Variants in INAVA observed in about 807,000 individuals in gnomAD.
INAVA encodes the protein innate immunity activator.
Under a neutral mutation model 55.3 loss-of-function variants are expected in INAVA, and 32 were observed. The observed-to-expected ratio is 0.58, with a 90% CI of 0.44 to 0.78. INAVA has a LOEUF of 0.78. Ranked by LOEUF, INAVA falls within the 30% of genes least tolerant of loss-of-function variation. INAVA has a pLI of 0.00. For missense variants in INAVA, 756 were observed against 786.4 expected (o/e 0.96, Z 0.46); for synonymous variants, 294 against 329.4 (o/e 0.89, Z 1.16).
At chr1:200,910,536 G>T (rs1486183063) in intron 8 of INAVA, among the ~76,000 whole-genome samples, 1 of 152,146 alleles carries the variant, frequency 6.6e-6, no homozygotes, top group African/African-American at 2.4e-5. Context: ...CTGAACTGGG[G>T]GCAGCTTGGG....
At chr1:200,900,710 G>C (rs772692592) in intron 4 of INAVA, among the ~76,000 whole-genome samples, 50 of 152,240 alleles carry the variant, frequency 3.3e-4, no homozygotes, top group Admixed American at 1.6e-3. Flanking sequence ...AGGTGGGCTG[G>C]TGGGTGGGTG....
In INAVA at chr1:200,902,433, A is replaced by G. The variant is rs537373784; in HGVS notation, c.520+1274A>G. On this transcript the variant is annotated intron_variant, in intron 5 of 9. Transcript: ENST00000413687. ...AGGTGATAAAGGAGGAGGTGCCTCC[A>G]TGTGACAGTTAACCCAGTAAACTCA... Among the ~76,000 whole-genome samples the G allele has an allele frequency of 1.3e-4, 20 of 152,374 alleles. No homozygotes were observed. The South Asian group carries it at 3.3e-3, about 25-fold the overall frequency.
Position 200,899,579 on chromosome 1 carries a change from ACT to A in INAVA, c.165_166del (p.Cys56ProfsTer37). The A allele has an allele frequency of 1.2e-6, 2 of 1,612,592 alleles. No homozygotes were observed. The highest frequency in any genetic ancestry group is 1.7e-6 in the Non-Finnish European group (2 of 1,179,664). ...LEACLEELRR[L>X]CLREAELTGT... ...AGGCCTGCCTGGAGGAGCTGAGGAG[ACT>A]CTGCCTTCGGGAAGCGGTGAGGCCC... On this transcript the variant is annotated frameshift_variant, in exon 3 of 10. Coordinates refer to ENST00000413687, the MANE Select transcript of INAVA (RefSeq NM_001142569.3). LOFTEE classifies it high-confidence loss of function.
At chr1:200,891,663 G>A (rs768126602), upstream of INAVA, 1 of 1,495,836 alleles carries the variant, frequency 6.7e-7, no homozygotes, top group Non-Finnish European at 8.9e-7. Context: ...AGTGGAGGGC[G>A]CAGGGGCAGG....
At chr1:200,911,384 C>A in intron 8 of INAVA, 69 bp from the exon 9 acceptor site, 1 of 1,445,338 alleles carries the variant, frequency 6.9e-7, no homozygotes, top group South Asian at 1.3e-5. Context: ...TTTAACTCCA[C>A]CTCCCGCCCC....
At chr1:200,912,871 G>C (rs909926624) in intron 9 of INAVA, among the ~76,000 whole-genome samples, 2 of 152,162 alleles carry the variant, frequency 1.3e-5, no homozygotes, top group African/African-American at 4.8e-5. Flanking sequence ...CAGGGAGCAG[G>C]CTGGAGGGTA....
chr1:200,899,313 C>A (rs564908054), intron 2 of INAVA, among the ~76,000 whole-genome samples, 160 bp from the exon 3 acceptor site: 1 of 152,188 alleles, frequency 6.6e-6, no homozygotes, highest in Non-Finnish European at 1.5e-5. Context: ...GTGGCTGTGA[C>A]ACAGGCCACA....
In INAVA at chr1:200,911,548, G is replaced by C. The variant is rs372239051; in HGVS notation, c.1055G>C (p.Cys352Ser). 12 of 1,613,512 alleles carry C rather than the reference G, an allele frequency of 7.4e-6. No homozygotes were observed. The East Asian group carries it at 8.9e-5, about 12-fold the overall frequency. ...THYTVTVPDSCFPATKPPLPH... is the reference protein window; with the variant it reads ...THYTVTVPDSSFPATKPPLPH... Reference sequence around the variant, plus strand: ...TACACGGTGACAGTGCCAGATTCCTGCTTTCCCGCGACCAAGCCCCCGCTG... The same window carrying C: ...TACACGGTGACAGTGCCAGATTCCTCCTTTCCCGCGACCAAGCCCCCGCTG... Residue 352 changes from cysteine to serine, a missense_variant, in exon 9 of 10, where the codon TGC (cysteine) becomes TCC (serine). Cys to Ser is a moderately radical substitution (Grantham distance 112). Around this residue, in one of 2 missense-constraint regions of INAVA, gnomAD observed 639 missense variants for 624.3 expected, o/e 1.02. Transcript: ENST00000413687.
At chr1:200,899,144 A>AGAAGGAGAAGGAAAAGAG (rs1571861159) in intron 2 of INAVA, among the ~76,000 whole-genome samples, 1 of 151,616 alleles carries the variant, frequency 6.6e-6, no homozygotes, top group East Asian at 2.0e-4. Flanking sequence ...GACAGGAAGA[A>AGAAGGAGAAGGAAAAGAG]GAAGGAGAAG....
At chr1:200,892,928 C>T (rs1358774197), upstream of INAVA, among the ~76,000 whole-genome samples, 1 of 152,210 alleles carries the variant, frequency 6.6e-6, no homozygotes, top group Non-Finnish European at 1.5e-5. Context: ...AGCATCTGTA[C>T]TAACCTCCCC....
chr1:200,895,786 G>A (rs1668336333), intron 1 of INAVA, among the ~76,000 whole-genome samples: 1 of 152,160 alleles, frequency 6.6e-6, no homozygotes, highest in African/African-American at 2.4e-5. Flanking sequence ...ACCTGGAAAG[G>A]CTTTAGACAC....
chr1:200,903,745 G>C (rs12759739), intron 5 of INAVA, among the ~76,000 whole-genome samples: 2 of 149,150 alleles, frequency 1.3e-5, no homozygotes, highest in Non-Finnish European at 3.0e-5. Context: ...CGGAGGTTGC[G>C]GTGAGCCGAG....
intron 5 of INAVA, among the ~76,000 whole-genome samples, chr1:200,905,793 C>CT (rs1445634084): frequency 6.6e-6 from 1 of 152,250 alleles, no homozygotes; most frequent in Non-Finnish European, 1.5e-5. Context: ...GTTTGCTAAC[C>CT]TCTGTTGTAA....
intron 1 of INAVA, among the ~76,000 whole-genome samples, chr1:200,896,014 T>G (rs2102299626): frequency 6.6e-6 from 1 of 152,166 alleles, no homozygotes; most frequent in East Asian, 1.9e-4. Context: ...GCCTCCCCTT[T>G]GATGCTGGCA....
Position 200,898,466 on chromosome 1 carries a change from A to G in INAVA, c.55+11A>G, listed in dbSNP as rs1292524839. 1 of 1,613,378 alleles carries G rather than the reference A, an allele frequency of 6.2e-7. No individual in the cohort carries two copies. Among genetic ancestry groups the G allele is most frequent in the Non-Finnish European group, 8.5e-7 (1 of 1,179,726 alleles). ...TCATCCTGCAGTCTGGTGAGTGTTC[A>G]GGGAAATCCCCCTGCCCTAGTCCCT... On this transcript the variant is annotated intron_variant, in intron 2 of 9. Coordinates refer to ENST00000413687, the MANE Select transcript of INAVA (RefSeq NM_001142569.3).
At position 200,911,567 on chromosome 1, in the gene INAVA, C is replaced by T. The variant is rs1188395167; in HGVS notation, c.1074C>T (p.Pro358=). 1.1e-5 allele frequency: 18 copies of T among 1,613,744 alleles called. No homozygotes were observed. The highest frequency in any genetic ancestry group is 1.5e-5 in the Non-Finnish European group (18 of 1,179,896). Residue 358 remains proline (P), a synonymous_variant, in exon 9 of 10, where the codon CCC becomes CCT. Coordinates refer to ENST00000413687, the MANE Select transcript of INAVA (RefSeq NM_001142569.3). The part of the protein sequence containing the change: ...VPDSCFPATK[P]PLPHAACHSC... ...ATTCCTGCTTTCCCGCGACCAAGCC[C>T]CCGCTGCCCCACGCCGCCTGCCACT...
In INAVA at chr1:200,905,644, G is replaced by A. The variant is rs553100506; in HGVS notation, c.521-2190G>A. ...ATATTTTAGTCTTTGTAGGCTCTTT[G>A]GTCTTTATCACAACTGTTCAACTCT... is the stretch of plus-strand genomic sequence containing the variant. On this transcript the variant is annotated intron_variant, in intron 5 of 9. Coordinates refer to ENST00000413687, the MANE Select transcript of INAVA (RefSeq NM_001142569.3). 3.3e-4 allele frequency among the ~76,000 whole-genome samples: 50 copies of A among 152,240 alleles called. 1 individual carries two copies. The South Asian group carries it at 0.01, about 31-fold the overall frequency.
upstream of INAVA, among the ~76,000 whole-genome samples, chr1:200,892,907 C>G (rs1668264325): frequency 6.6e-6 from 1 of 152,204 alleles, no homozygotes; most frequent in African/African-American, 2.4e-5. Flanking sequence ...TCAATGCAAA[C>G]AGTGAGATTG....
chr1:200,901,105 G>T lies in INAVA; in HGVS notation c.466G>T (p.Glu156Ter). ...GCAGGAGCTCCAGCGCTGCCTGGTCGAGCGGCGGCGCAATAGCGAGCCACC... is the reference window on the plus strand; with the variant it reads ...GCAGGAGCTCCAGCGCTGCCTGGTCTAGCGGCGGCGCAATAGCGAGCCACC... Reference protein sequence around the residue: ...KLQELQRCLVERRRNSEPPPA... With the variant: ...KLQELQRCLV The change falls in exon 5 of 10, where the codon GAG (glutamate) becomes TAG (stop). Residue 156 changes from glutamate to a stop codon, truncating the protein, a stop_gained. Coordinates refer to ENST00000413687, the MANE Select transcript of INAVA (RefSeq NM_001142569.3). LOFTEE classifies it high-confidence loss of function. The T allele has an allele frequency of 2.6e-6, 4 of 1,534,826 alleles. No homozygotes were observed. Among genetic ancestry groups the T allele is most frequent in the Non-Finnish European group, 3.5e-6 (4 of 1,145,200 alleles).
Sources: allele counts gnomAD v4.1 joint callset (sites outside exome capture counted in the v4.1 genomes callset), GRCh38; gene constraint gnomAD v4.1.1; regional missense constraint gnomAD v4.1.1; transcripts MANE v1.5; gene names NCBI Gene and HGNC (gene_info 2026-07-23, HGNC 2026-07-21).